Variants in DOCK2 observed in about 807,000 individuals in gnomAD.
DOCK2 encodes dedicator of cytokinesis 2, also known as dedicator of cytokinesis protein 2.
DOCK2 carries 87 observed loss-of-function variants against 248.9 expected under a neutral mutation model. The observed-to-expected ratio is 0.35, with a 90% CI of 0.29 to 0.42. The LOEUF (loss-of-function observed/expected upper bound fraction) is 0.42, where lower values mean the gene tolerates loss of function less well. Ranked by LOEUF, DOCK2 falls within the 10% of genes least tolerant of loss-of-function variation. The pLI is 1.00. For synonymous variants in DOCK2, 805 were observed against 821.6 expected (o/e 0.98, Z 0.35); for missense variants, 1,747 against 2,300.2 (o/e 0.76, Z 4.92).
intron 27 of DOCK2, among the ~76,000 whole-genome samples, chr5:169,913,192 G>C (rs1289064849): frequency 6.6e-6 from 1 of 152,214 alleles, no homozygotes; most frequent in Non-Finnish European, 1.5e-5. Flanking sequence ...AGCGGAGTCG[G>C]AATGTGCTAT....
chr5:169,855,032 C>T (rs905511969), intron 27 of DOCK2, among the ~76,000 whole-genome samples: 3 of 152,288 alleles, frequency 2.0e-5, no homozygotes, highest in East Asian at 1.9e-4. Flanking sequence ...CCCAGGCTCC[C>T]AAGCTTGGCA....
intron 26 of DOCK2, among the ~76,000 whole-genome samples, chr5:169,829,367 C>G (rs996831683): frequency 4.6e-5 from 7 of 152,164 alleles, no homozygotes; most frequent in Admixed American, 2.6e-4. Context: ...TTTATCTTGT[C>G]CTCATTCAAA....
At chr5:169,980,175 T>G (rs981744194) in intron 27 of DOCK2, 1 of 152,144 alleles carries the variant, frequency 6.6e-6, no homozygotes, top group Non-Finnish European at 1.5e-5. Flanking sequence ...CACTGTTGAT[T>G]TAAGCCAAAG....
At chr5:170,063,299 G>A (rs1018855258) in intron 44 of DOCK2, among the ~76,000 whole-genome samples, 7 of 152,098 alleles carry the variant, frequency 4.6e-5, no homozygotes, top group African/African-American at 1.7e-4. Context: ...TTTCTAAAAG[G>A]ACTCCATCTA....
At chr5:169,843,544 A>G (rs554262313) in intron 27 of DOCK2, among the ~76,000 whole-genome samples, 1 of 152,326 alleles carries the variant, frequency 6.6e-6, no homozygotes, top group East Asian at 1.9e-4. Context: ...TAAACAAATA[A>G]ATAAAAACAG....
chr5:169,936,578 C>A (rs1399949779), intron 27 of DOCK2, among the ~76,000 whole-genome samples: 2 of 122,832 alleles, frequency 1.6e-5, no homozygotes, highest in Non-Finnish European at 3.3e-5. Context: ...TCTCAGACTC[C>A]TTTTTTTTTT....
At chr5:169,977,756 A>G (rs549731649) in intron 27 of DOCK2, among the ~76,000 whole-genome samples, 1 of 152,256 alleles carries the variant, frequency 6.6e-6, no homozygotes, top group East Asian at 1.9e-4. Context: ...CAGACAGCAC[A>G]CCTTAGTTTT....
chr5:169,696,891 C>A (rs772145341), intron 10 of DOCK2, among the ~76,000 whole-genome samples: 6 of 151,578 alleles, frequency 4.0e-5, no homozygotes, highest in Non-Finnish European at 8.8e-5. Flanking sequence ...CAAGCATTTT[C>A]CCCAGAGCCT....
At chr5:169,657,300 A>G (rs943802606) in intron 2 of DOCK2, among the ~76,000 whole-genome samples, 1 of 152,200 alleles carries the variant, frequency 6.6e-6, no homozygotes, top group African/African-American at 2.4e-5. Context: ...GATTGAAAAA[A>G]AAAGATTCCT....
intron 25 of DOCK2, among the ~76,000 whole-genome samples, chr5:169,786,095 T>A (rs1483614101): frequency 6.6e-6 from 1 of 152,242 alleles, no homozygotes; most frequent in East Asian, 1.9e-4. Context: ...AGGTTAATGA[T>A]GATACATTCT....
intron 27 of DOCK2, among the ~76,000 whole-genome samples, chr5:169,886,828 G>C (rs774535628): frequency 6.6e-6 from 1 of 152,054 alleles, no homozygotes; most frequent in Non-Finnish European, 1.5e-5. Flanking sequence ...CTTCATTCTG[G>C]GAACGATAAC....
At chr5:170,039,364 G>A (rs974002948) in intron 36 of DOCK2, among the ~76,000 whole-genome samples, 8 of 152,126 alleles carry the variant, frequency 5.3e-5, no homozygotes, top group African/African-American at 1.9e-4. Context: ...TATCATCGCT[G>A]TGTTCTTGCT....
intron 27 of DOCK2, among the ~76,000 whole-genome samples, chr5:169,971,017 G>T (rs1777484487): frequency 6.6e-6 from 1 of 152,128 alleles, no homozygotes; most frequent in Admixed American, 6.5e-5. Context: ...CTGCGTTCAT[G>T]CCAAGCTGCT....
intron 2 of DOCK2, among the ~76,000 whole-genome samples, chr5:169,666,962 G>A (rs919513256): frequency 1.3e-5 from 2 of 152,218 alleles, no homozygotes; most frequent in Non-Finnish European, 2.9e-5. Context: ...GTAAGTGTCA[G>A]CAGAATCCTG....
At chr5:169,815,544 T>C (rs1339639167) in intron 26 of DOCK2, among the ~76,000 whole-genome samples, 1 of 152,206 alleles carries the variant, frequency 6.6e-6, no homozygotes, top group East Asian at 1.9e-4. Context: ...CAGAATGTAA[T>C]GGGGCACCAA....
intron 27 of DOCK2, among the ~76,000 whole-genome samples, chr5:169,886,337 T>A (rs779598320): frequency 6.6e-6 from 1 of 152,206 alleles, no homozygotes; most frequent in Admixed American, 6.5e-5. Flanking sequence ...CGAGTTGCTT[T>A]ACATAAAAAT....
At chr5:169,878,399 A>G (rs1772450584) in intron 27 of DOCK2, among the ~76,000 whole-genome samples, 1 of 152,258 alleles carries the variant, frequency 6.6e-6, no homozygotes, top group Non-Finnish European at 1.5e-5. Context: ...TCACTTTTGG[A>G]AATGCAGACC....
At chr5:170,061,482 G>A (rs534175294) in intron 44 of DOCK2, among the ~76,000 whole-genome samples, 1 of 152,346 alleles carries the variant, frequency 6.6e-6, no homozygotes, top group Non-Finnish European at 1.5e-5. Flanking sequence ...ATTGATAAGT[G>A]AGGTCATCTT....
chr5:169,840,738 GTC>G lies in DOCK2; in HGVS notation c.2704-15_2704-14del. 6.2e-7 allele frequency: 1 copy of G among 1,611,906 alleles called. No individual in the cohort carries two copies. Among genetic ancestry groups the G allele is most frequent in the Non-Finnish European group, 8.5e-7 (1 of 1,178,554 alleles). On this transcript the variant is annotated splice_polypyrimidine_tract_variant and intron_variant, in intron 26 of 51. Transcript: ENST00000520908. The stretch of plus-strand genomic sequence containing the variant: ...GCAGTGTCCTGGTTGTCACATAGAT[GTC>G]TCTGACTGTTTTACAGGCCTTCACC...
Sources: gnomAD v4.1 joint callset for allele counts (sites outside exome capture counted in the v4.1 genomes callset) on GRCh38, gnomAD v4.1.1 for gene constraint, MANE v1.5 for transcripts, NCBI Gene and HGNC (gene_info 2026-07-23, HGNC 2026-07-21) for gene names.